Variants in CARD10 observed in about 807,000 individuals in gnomAD.
The protein encoded by CARD10 is caspase recruitment domain-containing protein 10.
A neutral mutation model predicts 114.6 loss-of-function variants in CARD10; 49 were observed. That is an observed-to-expected ratio of 0.43 (90% CI 0.34 to 0.54). The LOEUF is 0.54. Among genes scored for constraint, CARD10 ranks in the 20% least tolerant of loss-of-function variants. The pLI is 0.03. For synonymous variants in CARD10, 602 were observed against 593.2 expected (o/e 1.01, Z -0.21); for missense variants, 1,206 against 1,397.2 (o/e 0.86, Z 2.18).
intron 8 of CARD10, 33 bp downstream of exon 8, chr22:37,504,601 TC>T: frequency 6.9e-7 from 1 of 1,446,830 alleles, no homozygotes; most frequent in Non-Finnish European, 9.1e-7. Flanking sequence ...TATAGCAGTG[TC>T]CCCCCTTATT....
rs775875036 is a variant in CARD10, at chr22:37,496,016, G to A, written c.2060-13C>T. 1.2e-6 allele frequency: 2 copies of A among 1,611,718 alleles called. No homozygotes were observed. Among genetic ancestry groups the A allele is most frequent in the Admixed American group, 3.3e-5 (2 of 60,002 alleles). On this transcript the variant is annotated splice_polypyrimidine_tract_variant and intron_variant, in intron 13 of 19. Transcript: ENST00000251973. The surrounding 1 kb of genome is among the most constrained non-coding windows in gnomAD (Gnocchi z 4.1). ...AAGGACTGGCAGGCTGGGCATGGAT[G>A]GGGCAGGGGGCAGCAAGGAGGACAA...
Position 37,491,117 on chromosome 22 carries a change from T to C in CARD10, c.*42A>G. 6.9e-7 allele frequency: 1 copy of C among 1,458,116 alleles called. No homozygotes were observed. Among genetic ancestry groups the C allele is most frequent in the Non-Finnish European group, 9.4e-7 (1 of 1,068,628 alleles). The allele number at this position is 1,458,116 out of a possible 1,614,324, so 90.3% of individuals were successfully genotyped here. ...CCCAGCTTCACCATAGACACCAGGGTCCACGCTGGCTTGGGGAGAAGGTGC... is the reference window on the plus strand; with the variant it reads ...CCCAGCTTCACCATAGACACCAGGGCCCACGCTGGCTTGGGGAGAAGGTGC... On this transcript the variant is annotated 3_prime_UTR_variant, in exon 20 of 20. Transcript: ENST00000251973.
chr22:37,516,205 T>C lies in CARD10; in HGVS notation c.467A>G (p.Gln156Arg). The change falls in exon 3 of 20, where the codon CAA (glutamine) becomes CGA (arginine). Residue 156 changes from glutamine to arginine, a missense_variant. This residue lies in a region of CARD10 where 1,068 missense variants were observed against 1,179.1 expected (regional missense o/e 0.91). Coordinates refer to ENST00000251973, the MANE Select transcript of CARD10 (RefSeq NM_014550.4). ...ARKSQLQREQ[Q>R]LQARGRVLEE... Reference sequence around the variant, plus strand: ...GAGCACCCGGCCCCGGGCCTGCAGTTGCTGCTCCCGCTGCAGCTGGCTCTT... The same window carrying C: ...GAGCACCCGGCCCCGGGCCTGCAGTCGCTGCTCCCGCTGCAGCTGGCTCTT... 1.3e-6 allele frequency: 2 copies of C among 1,598,106 alleles called. No individual in the cohort carries two copies. Among genetic ancestry groups the C allele is most frequent in the Non-Finnish European group, 1.7e-6 (2 of 1,173,462 alleles).
At chr22:37,498,703 G>A (rs1601810409) in intron 11 of CARD10, among the ~76,000 whole-genome samples, 1 of 152,194 alleles carries the variant, frequency 6.6e-6, no homozygotes, top group South Asian at 2.1e-4. Flanking sequence ...CTGCATCGAG[G>A]TGGCATGGAA....
At chr22:37,502,790 C>A (rs1923264676) in intron 10 of CARD10, 65 bp from the exon 11 acceptor site, 1 of 1,554,546 alleles carries the variant, frequency 6.4e-7, no homozygotes, top group Non-Finnish European at 8.7e-7. Flanking sequence ...GGGTCCATGA[C>A]AGGGACTGAC....
intron 11 of CARD10, among the ~76,000 whole-genome samples, chr22:37,498,915 G>C (rs554486971): frequency 7.6e-6 from 1 of 132,066 alleles, no homozygotes; most frequent in Admixed American, 7.6e-5. Flanking sequence ...TGGGGGGGGG[G>C]GGCACATGAA....
intron 6 of CARD10, among the ~76,000 whole-genome samples, chr22:37,507,412 G>A (rs375537926): frequency 6.6e-5 from 10 of 152,338 alleles, no homozygotes; most frequent in South Asian, 2.1e-4. Flanking sequence ...GGCACTGGCC[G>A]GAGGTCCTCA....
rs113605227 is a variant in CARD10, at chr22:37,512,455, A to ACC, written c.700-2035_700-2034insGG. On this transcript the variant is annotated intron_variant, in intron 3 of 19. Transcript: ENST00000251973. The stretch of plus-strand genomic sequence containing the variant: ...CCCAGCCTTGAGAGGTTAGAATGGC[A>ACC]GCCCCCCCTCCACACACACACACAC... Among the ~76,000 whole-genome samples the ACC allele has an allele frequency of 2.1e-4, 27 of 129,216 alleles. 2 individuals carry two copies. Among genetic ancestry groups the ACC allele is most frequent in the African/African-American group, 4.0e-4 (14 of 35,046 alleles). The allele number at this position is 129,216 out of a possible 152,430, so 84.8% of individuals were successfully genotyped here. A position where few individuals can be genotyped will look rare whatever the true frequency, so the allele number is the denominator to read the frequency against.
chr22:37,508,178 C>T (rs974275667), intron 5 of CARD10, among the ~76,000 whole-genome samples: 3 of 152,266 alleles, frequency 2.0e-5, no homozygotes, highest in Middle Eastern at 3.4e-3. Flanking sequence ...TTCACCCATC[C>T]GGCCACCCTT....
intron 15 of CARD10, chr22:37,494,571 T>C (rs549743656): frequency 5.1e-5 from 12 of 235,602 alleles, no homozygotes; most frequent in African/African-American, 2.8e-4. Context: ...GTGACCTTGG[T>C]AGAAAAATTA....
intron 3 of CARD10, among the ~76,000 whole-genome samples, chr22:37,513,306 T>C (rs1321865823): frequency 6.6e-6 from 1 of 152,042 alleles, no homozygotes; most frequent in Non-Finnish European, 1.5e-5. Flanking sequence ...CAGACGGGGT[T>C]TCACCACGTT....
Position 37,495,828 on chromosome 22 carries a change from C to T in CARD10, c.2235G>A (p.Trp745Ter), listed in dbSNP as rs1382181090. 6.2e-7 allele frequency: 1 copy of T among 1,614,092 alleles called. No individual in the cohort carries two copies. The highest frequency in any genetic ancestry group is 8.5e-7 in the Non-Finnish European group (1 of 1,180,030). ...VDSAYKRRQE[W>*]FCTRVDPLTL... is the part of the protein sequence containing the mutation. The stretch of plus-strand genomic sequence containing the variant: ...TGAGGGGGTCAACCCGGGTGCAGAA[C>T]CATTCCTGCCTCCGCTTGTATGCCG... The change falls in exon 14 of 20, where the codon TGG becomes TGA. Residue 745 changes from tryptophan (W) to a stop codon, truncating the protein, a stop_gained. Coordinates refer to ENST00000251973, the MANE Select transcript of CARD10 (RefSeq NM_014550.4). LOFTEE classifies it high-confidence loss of function.
chr22:37,512,546 T>C (rs916703460), intron 3 of CARD10, among the ~76,000 whole-genome samples: 1 of 148,790 alleles, frequency 6.7e-6, no homozygotes, highest in African/African-American at 2.5e-5. Context: ...GTCAGGCAAT[T>C]CTACAAATTA....
At position 37,507,892 on chromosome 22, in the gene CARD10, C is replaced by G. The variant is rs1923467901; in HGVS notation, c.1128G>C (p.Leu376=). The G allele has an allele frequency of 1.2e-6, 2 of 1,614,206 alleles. No homozygotes were observed. The highest frequency in any genetic ancestry group is 1.7e-6 in the Non-Finnish European group (2 of 1,180,016). The part of the protein sequence containing the change: ...KHRTLQKDCD[L]YKHRMATVLA... ...GGACAGTGGCCATGCGGTGCTTGTA[C>G]AGGTCACAGTCCTTCTGCAGCGTGC... Residue 376 remains leucine (L), a synonymous_variant, in exon 6 of 20, where the codon CTG becomes CTC. Transcript: ENST00000251973.
Position 37,492,554 on chromosome 22 carries a change from C to T in CARD10, c.2636-4G>A. On this transcript the variant is annotated splice_region_variant and splice_polypyrimidine_tract_variant and intron_variant, in intron 17 of 19. Transcript: ENST00000251973. The surrounding 1 kb of genome is among the most constrained non-coding windows in gnomAD (Gnocchi z 5.7). ...AGTTCCTCCCCAGAGAGGCTTTCTG[C>T]ACAGGGAGTGGAGAGGGAGAGATGA... 6.2e-7 allele frequency: 1 copy of T among 1,600,754 alleles called. No homozygotes were observed. The highest frequency in any genetic ancestry group is 8.5e-7 in the Non-Finnish European group (1 of 1,172,300).
At chr22:37,493,836 T>C (rs959338957) in intron 16 of CARD10, among the ~76,000 whole-genome samples, 7 of 152,186 alleles carry the variant, frequency 4.6e-5, no homozygotes, top group Non-Finnish European at 8.8e-5. Context: ...AGCCAGTATG[T>C]GTGCAAACCC....
At chr22:37,513,511 T>C (rs1487146905) in intron 3 of CARD10, among the ~76,000 whole-genome samples, 1 of 151,360 alleles carries the variant, frequency 6.6e-6, no homozygotes, top group African/African-American at 2.4e-5. Context: ...CTCTTTTCCA[T>C]CCCCCTCCCC....
At chr22:37,510,457 C>T (rs1923599789) in intron 3 of CARD10, 36 bp from the exon 4 acceptor site, 1 of 1,595,868 alleles carries the variant, frequency 6.3e-7, no homozygotes, top group African/African-American at 1.3e-5. Context: ...CAGAGGGAGA[C>T]ACACTGGGAG....
In CARD10 at chr22:37,496,453, C is replaced by G; in HGVS notation, c.2055G>C (p.Ser685=). Residue 685 remains serine (S), a synonymous_variant, in exon 13 of 20, where the codon TCG becomes TCC. Coordinates refer to ENST00000251973, the MANE Select transcript of CARD10 (RefSeq NM_014550.4). The surrounding 1 kb of genome is among the most constrained non-coding windows in gnomAD (Gnocchi z 4.1). The part of the protein sequence containing the change: ...QGSTLPSLMD[S]KACQSFHEAL... Reference sequence around the variant, plus strand: ...CGACTCCCAAGCCAGACTTACCCTTCGAGTCCATCAGGGAGGGGAGTGTGG... The same window carrying G: ...CGACTCCCAAGCCAGACTTACCCTTGGAGTCCATCAGGGAGGGGAGTGTGG... 6.2e-7 allele frequency: 1 copy of G among 1,608,940 alleles called. No individual in the cohort carries two copies. The highest frequency in any genetic ancestry group is 8.5e-7 in the Non-Finnish European group (1 of 1,175,938).
Sources: gnomAD v4.1 joint callset for allele counts (sites outside exome capture counted in the v4.1 genomes callset) on GRCh38, gnomAD v4.1.1 for gene constraint, gnomAD v4.1.1 regional missense constraint, Gnocchi (gnomAD v3.1) non-coding constraint, MANE v1.5 for transcripts, NCBI Gene and HGNC (gene_info 2026-07-23, HGNC 2026-07-21) for gene names.